TCF7L2: variants seen among roughly 807,000 people sequenced by gnomAD.
TCF7L2 encodes the protein transcription factor 7 like 2.
TCF7L2 carries 23 observed loss-of-function variants against 77.9 expected under a neutral mutation model. The ratio of observed to expected loss-of-function variants is 0.30; its 90% confidence interval spans 0.21 to 0.42. The LOEUF (loss-of-function observed/expected upper bound fraction) is 0.42, where lower values mean the gene tolerates loss of function less well. Ranked by LOEUF, TCF7L2 falls within the 10% of genes least tolerant of loss-of-function variation. TCF7L2 has a pLI of 1.00. For missense variants in TCF7L2, 654 were observed against 793.1 expected, an observed-to-expected ratio of 0.82 and a Z score of 2.11; for synonymous variants, 413 against 340.2, an observed-to-expected ratio of 1.21 and a Z score of -2.36.
At position 113,144,262 on chromosome 10, in the gene TCF7L2, C is replaced by T. The variant is rs114782512; in HGVS notation, c.788+237C>T. Reference sequence around the variant, plus strand: ...CCATTCAGGTGGCTTATGTTACTGGCACTTAGCATTCCGCGACCATGGTCC... The same window carrying T: ...CCATTCAGGTGGCTTATGTTACTGGTACTTAGCATTCCGCGACCATGGTCC... On this transcript the variant is annotated intron_variant, in intron 7 of 13. Coordinates refer to ENST00000627217, the MANE Select transcript of TCF7L2 (RefSeq NM_001146274.2). 5.8e-3 allele frequency among the ~76,000 whole-genome samples: 889 copies of T among 152,120 alleles called. 10 individuals carry two copies. The highest frequency in any genetic ancestry group is 0.02 in the African/African-American group (841 of 41,492).
intron 4 of TCF7L2, among the ~76,000 whole-genome samples, chr10:112,988,426 T>C (rs536418491): frequency 3.9e-5 from 6 of 152,330 alleles, no homozygotes; most frequent in East Asian, 1.9e-4. Flanking sequence ...TTCTGTCTTA[T>C]GTACCACTTC....
chr10:113,150,601 G>T (rs1393335025), intron 8 of TCF7L2, among the ~76,000 whole-genome samples: 1 of 152,160 alleles, frequency 6.6e-6, no homozygotes, highest in Non-Finnish European at 1.5e-5. Context: ...TACAACAAAA[G>T]ATTTCACCTT....
chr10:113,156,506 G>A lies in TCF7L2; in HGVS notation c.1270-1515G>A, dbSNP rs144786755. The stretch of plus-strand genomic sequence containing the variant: ...CTTTAGGCAAAGGCAACTTTTAGCT[G>A]TTCTGAAACATATAGCAGTGTAAGA... On this transcript the variant is annotated intron_variant, in intron 11 of 13. Coordinates refer to ENST00000627217, the MANE Select transcript of TCF7L2 (RefSeq NM_001146274.2). Among the ~76,000 whole-genome samples, 642 of 152,266 alleles carry A rather than the reference G, an allele frequency of 4.2e-3. 10 individuals are homozygous for A. Among genetic ancestry groups the A allele is most frequent in the African/African-American group, 0.015 (609 of 41,558 alleles).
At chr10:113,101,529 C>T (rs1016945119) in intron 5 of TCF7L2, among the ~76,000 whole-genome samples, 2 of 151,704 alleles carry the variant, frequency 1.3e-5, no homozygotes, top group South Asian at 2.1e-4. Context: ...GGTGGCAGAA[C>T]GAAACCTTGC....
At chr10:113,055,768 GT>G (rs2055268438) in intron 5 of TCF7L2, among the ~76,000 whole-genome samples, 1 of 152,134 alleles carries the variant, frequency 6.6e-6, no homozygotes, top group Non-Finnish European at 1.5e-5. Flanking sequence ...AAAGAAAGAA[GT>G]TTTAAATTTT....
chr10:113,144,636 T>G (rs1427300537), intron 7 of TCF7L2, among the ~76,000 whole-genome samples: 1 of 152,184 alleles, frequency 6.6e-6, no homozygotes, highest in Non-Finnish European at 1.5e-5. Context: ...AATCAGCATC[T>G]CTCTGAGAGT....
intron 4 of TCF7L2, among the ~76,000 whole-genome samples, chr10:113,001,969 G>A (rs945724956): frequency 3.9e-5 from 6 of 152,142 alleles, no homozygotes; most frequent in African/African-American, 1.4e-4. Context: ...CGAGACGTGA[G>A]GCAAATCCTG....
At chr10:113,149,236 T>G (rs1000570725) in intron 8 of TCF7L2, among the ~76,000 whole-genome samples, 3 of 152,248 alleles carry the variant, frequency 2.0e-5, no homozygotes, top group Non-Finnish European at 2.9e-5. Flanking sequence ...TTGCTTTTTT[T>G]GTTTTTCACA....
intron 4 of TCF7L2, among the ~76,000 whole-genome samples, chr10:113,015,335 G>C (rs929587302): frequency 6.6e-6 from 1 of 151,868 alleles, no homozygotes; most frequent in Non-Finnish European, 1.5e-5. Context: ...GAAGCACAAA[G>C]TATTATTATT....
intron 4 of TCF7L2, among the ~76,000 whole-genome samples, chr10:113,015,448 T>A (rs1209977353): frequency 6.9e-5 from 3 of 43,462 alleles, no homozygotes; most frequent in Non-Finnish European, 1.3e-4. Context: ...CTGATGAGCT[T>A]TTTTTTTTTT....
intron 11 of TCF7L2, among the ~76,000 whole-genome samples, chr10:113,156,543 C>A (rs569899320): frequency 6.6e-6 from 1 of 152,340 alleles, no homozygotes; most frequent in Admixed American, 6.5e-5. Flanking sequence ...CATTTCATTT[C>A]AATGTATGCC....
At chr10:113,081,225 C>T (rs1591447264) in intron 5 of TCF7L2, among the ~76,000 whole-genome samples, 1 of 152,220 alleles carries the variant, frequency 6.6e-6, no homozygotes, top group African/African-American at 2.4e-5. Flanking sequence ...ACCTAGTACA[C>T]ATCACAAGTC....
chr10:113,028,325 G>T (rs1488491667), intron 4 of TCF7L2, among the ~76,000 whole-genome samples: 1 of 152,118 alleles, frequency 6.6e-6, no homozygotes, highest in Non-Finnish European at 1.5e-5. Flanking sequence ...CAGGGGGGTC[G>T]TGGGGCCTCC....
At chr10:113,131,534 G>A (rs1457834312) in intron 5 of TCF7L2, among the ~76,000 whole-genome samples, 3 of 152,188 alleles carry the variant, frequency 2.0e-5, no homozygotes, top group African/African-American at 4.8e-5. Flanking sequence ...AATTACCTGC[G>A]TTACTTAATA....
At chr10:113,081,374 C>G (rs2059302963) in intron 5 of TCF7L2, among the ~76,000 whole-genome samples, 1 of 152,200 alleles carries the variant, frequency 6.6e-6, no homozygotes, top group South Asian at 2.1e-4. Context: ...AGTATAAGCA[C>G]AGTATAATGC....
chr10:113,091,983 TATG>T (rs1016793735), intron 5 of TCF7L2, among the ~76,000 whole-genome samples: 1 of 152,236 alleles, frequency 6.6e-6, no homozygotes, highest in African/African-American at 2.4e-5. Context: ...TCTGGCTATT[TATG>T]ATAAGATGAT....
At chr10:113,093,844 C>T (rs971026323) in intron 5 of TCF7L2, among the ~76,000 whole-genome samples, 1 of 152,166 alleles carries the variant, frequency 6.6e-6, no homozygotes, top group African/African-American at 2.4e-5. Context: ...CTTTTTTCTT[C>T]TTCCTGTAAT....
At chr10:113,061,263 T>G (rs1414053368) in intron 5 of TCF7L2, among the ~76,000 whole-genome samples, 3 of 152,058 alleles carry the variant, frequency 2.0e-5, no homozygotes, top group Non-Finnish European at 4.4e-5. Flanking sequence ...AGACCTGTGT[T>G]TTTTTGGTCA....
At chr10:113,052,447 G>A (rs1020508430) in intron 5 of TCF7L2, among the ~76,000 whole-genome samples, 1 of 152,138 alleles carries the variant, frequency 6.6e-6, no homozygotes, top group Non-Finnish European at 1.5e-5. Context: ...TGGATCTATC[G>A]GAGCCCTGTC....
Sources: allele counts gnomAD v4.1 joint callset (sites outside exome capture counted in the v4.1 genomes callset), GRCh38; gene constraint gnomAD v4.1.1; transcripts MANE v1.5; gene names NCBI Gene and HGNC (gene_info 2026-07-23, HGNC 2026-07-21).